Variants in ACTMAP observed in about 807,000 individuals in gnomAD.
The protein encoded by ACTMAP is actin maturation protease, also known as UPF0692 protein C19orf54.
chr19:40,746,831 C>G, the ACTMAP span, among the ~76,000 whole-genome samples: 116,151 of 151,928 alleles, frequency 0.76, 44,756 homozygotes, highest in African/African-American at 0.85. Context: ...TGTTGAGATG[C>G]AGTCTTGCTC....
chr19:40,744,132 G>A, the ACTMAP span: 1 of 1,612,552 alleles, frequency 6.2e-7, no homozygotes, highest in Non-Finnish European at 8.5e-7. Flanking sequence ...GACCGCCCAG[G>A]CCACCAGAGA....
chr19:40,742,551 G>A, the ACTMAP span: 27 of 1,595,706 alleles, frequency 1.7e-5, 1 homozygote, highest in South Asian at 5.7e-5. Flanking sequence ...CGAGAAGTCC[G>A]TCAGCTGCAG....
chr19:40,742,626 A>G, the ACTMAP span: 6 of 1,612,968 alleles, frequency 3.7e-6, no homozygotes. Context: ...CTGCTTGGAC[A>G]GCAGGTAGAC....
At chr19:40,747,460 C>A in the ACTMAP span, among the ~76,000 whole-genome samples, 1 of 152,112 alleles carries the variant, frequency 6.6e-6, no homozygotes, top group Admixed American at 6.6e-5. Context: ...ATCGCTTGAA[C>A]CCGGGAGGCA....
chr19:40,744,943 C>G, the ACTMAP span: 4 of 814,804 alleles, frequency 4.9e-6, no homozygotes, highest in Non-Finnish European at 7.8e-6. Flanking sequence ...TCGTTCATTC[C>G]TCGCATGTCC....
the ACTMAP span, chr19:40,749,938 T>C: frequency 2.9e-6 from 2 of 678,002 alleles, no homozygotes; most frequent in Non-Finnish European, 4.6e-6. Flanking sequence ...GAGCAGTGGG[T>C]GTGAAAGGAC....
chr19:40,743,851 T>G, the ACTMAP span: 25 of 1,592,214 alleles, frequency 1.6e-5, 1 homozygote, highest in East Asian at 2.2e-4. Flanking sequence ...GGAGGATTAA[T>G]GGAGGCCGGG....
chr19:40,748,224 G>A, the ACTMAP span, among the ~76,000 whole-genome samples: 1 of 152,132 alleles, frequency 6.6e-6, no homozygotes, highest in Non-Finnish European at 1.5e-5. Context: ...ACCACTTTGG[G>A]AGGCTGAGGC....
At chr19:40,742,942 C>T in the ACTMAP span, among the ~76,000 whole-genome samples, 7 of 152,262 alleles carry the variant, frequency 4.6e-5, no homozygotes, top group South Asian at 6.2e-4. Context: ...CCGTGGCACC[C>T]GGCTCCAAAG....
chr19:40,743,234 ATTT>A, the ACTMAP span, among the ~76,000 whole-genome samples: 15 of 138,454 alleles, frequency 1.1e-4, no homozygotes, highest in African/African-American at 1.3e-4. Flanking sequence ...GCCCTGTTCT[ATTT>A]TTTTTTTTTT....
At chr19:40,742,759 CCAG>C in the ACTMAP span, 10 of 1,607,394 alleles carry the variant, frequency 6.2e-6, no homozygotes, top group African/African-American at 5.3e-5. Flanking sequence ...GCCCGAACAC[CCAG>C]CAGGACCCCT....
chr19:40,743,772 C>T, the ACTMAP span: 1 of 1,124,034 alleles, frequency 8.9e-7, no homozygotes, highest in Non-Finnish European at 1.3e-6. Context: ...TGGGGCCCAG[C>T]CTGCCCGGTG....
the ACTMAP span, among the ~76,000 whole-genome samples, chr19:40,749,075 C>T: frequency 6.7e-6 from 1 of 149,322 alleles, no homozygotes; most frequent in Non-Finnish European, 1.5e-5. Context: ...ACTGCAACCT[C>T]TGCCTCCAGG....
At chr19:40,744,898 A>G in the ACTMAP span, 1 of 818,086 alleles carries the variant, frequency 1.2e-6, no homozygotes, top group Non-Finnish European at 1.9e-6. Context: ...GGGAGGAGGA[A>G]CCAAGGTGGA....
chr19:40,748,984 CTTTTTTTTTTTTTTTT>C, the ACTMAP span, among the ~76,000 whole-genome samples: 1 of 102,528 alleles, frequency 9.8e-6, no homozygotes, highest in Non-Finnish European at 1.9e-5. Flanking sequence ...GGCATTTGCT[CTTTTTTTTTTTTTTTT>C]TTTTTTTTGA....
At chr19:40,747,901 G>T in the ACTMAP span, among the ~76,000 whole-genome samples, 2 of 152,054 alleles carry the variant, frequency 1.3e-5, no homozygotes, top group African/African-American at 4.8e-5. Flanking sequence ...TTGGAGCCCT[G>T]CCGCCAGAGT....
chr19:40,744,298 C>T, the ACTMAP span: 1 of 1,425,612 alleles, frequency 7.0e-7, no homozygotes, highest in Non-Finnish European at 9.3e-7. Context: ...TGACCTTCCA[C>T]CCCTTGGTAC....
At chr19:40,749,939 G>A in the ACTMAP span, 2 of 674,718 alleles carry the variant, frequency 3.0e-6, no homozygotes, top group Admixed American at 4.0e-5. Flanking sequence ...AGCAGTGGGT[G>A]TGAAAGGACC....
At chr19:40,748,495 C>T in the ACTMAP span, among the ~76,000 whole-genome samples, 1 of 152,154 alleles carries the variant, frequency 6.6e-6, no homozygotes, top group Non-Finnish European at 1.5e-5. Flanking sequence ...CAGCCTAGGT[C>T]TGGCACTCTC....
Sources: allele counts gnomAD v4.1 joint callset (sites outside exome capture counted in the v4.1 genomes callset), GRCh38; gene constraint gnomAD v4.1.1; transcripts MANE v1.5; gene names NCBI Gene and HGNC (gene_info 2026-07-23, HGNC 2026-07-21).